The following PPM1L variants were observed in gnomAD, a reference collection of about 807,000 sequenced individuals.
PPM1L encodes protein phosphatase, Mg2+/Mn2+ dependent 1L.
PPM1L carries 13 observed loss-of-function variants against 31.4 expected under a neutral mutation model. The observed-to-expected ratio is 0.41, with a 90% CI of 0.27 to 0.66. The LOEUF is 0.66. Among genes scored for constraint, PPM1L ranks in the 30% least tolerant of loss-of-function variants. PPM1L has a pLI of 0.29. For synonymous variants in PPM1L, 184 were observed against 175.4 expected (o/e 1.05, Z -0.39); for missense variants, 326 against 453.7 (o/e 0.72, Z 2.56).
At chr3:160,862,793 TAGGGGGGA>T in intron 1 of PPM1L, among the ~76,000 whole-genome samples, 1 of 150,932 alleles carries the variant, frequency 6.6e-6, no homozygotes, top group East Asian at 1.9e-4. Flanking sequence ...TTTAGGAGAG[TAGGGGGGA>T]AAAAAGCTTT....
At chr3:161,065,321 G>A (rs556624806) in intron 2 of PPM1L, 82 bp from the exon 3 acceptor site, 39 of 1,404,826 alleles carry the variant, frequency 2.8e-5, no homozygotes, top group Middle Eastern at 2.0e-4. Context: ...TTTAATGACT[G>A]AAGAATCCAG....
intron 1 of PPM1L, among the ~76,000 whole-genome samples, chr3:160,937,416 C>G (rs925932985): frequency 2.0e-5 from 3 of 152,024 alleles, no homozygotes; most frequent in African/African-American, 4.8e-5. Flanking sequence ...GTCAGGAGAT[C>G]AAGACCATCC....
At chr3:160,909,037 A>G (rs1267720811) in intron 1 of PPM1L, among the ~76,000 whole-genome samples, 3 of 152,226 alleles carry the variant, frequency 2.0e-5, no homozygotes, top group Non-Finnish European at 4.4e-5. Flanking sequence ...ATGGTAGAAG[A>G]TTAGGTTGCC....
At chr3:160,792,095 C>T (rs776368564) in intron 1 of PPM1L, among the ~76,000 whole-genome samples, 1 of 152,084 alleles carries the variant, frequency 6.6e-6, no homozygotes, top group Non-Finnish European at 1.5e-5. Context: ...ATTCATAATA[C>T]TATCCTTTGA....
intron 1 of PPM1L, among the ~76,000 whole-genome samples, chr3:160,825,051 C>A (rs541738784): frequency 1.1e-4 from 16 of 152,064 alleles, no homozygotes; most frequent in Non-Finnish European, 1.9e-4. Context: ...AATGGTTAAA[C>A]TATGTGCCAA....
chr3:160,996,255 G>C lies in PPM1L; in HGVS notation c.574+34345G>C, dbSNP rs112309561. Reference sequence around the variant, plus strand: ...GATATTCCTTAAAGAACTAAAAGTAGAGCTACCATTCGATCCAGCAATCCC... The same window carrying C: ...GATATTCCTTAAAGAACTAAAAGTACAGCTACCATTCGATCCAGCAATCCC... On this transcript the variant is annotated intron_variant, in intron 2 of 3. Transcript: ENST00000498165. 1.0e-3 allele frequency among the ~76,000 whole-genome samples: 155 copies of C among 152,276 alleles called. 1 individual carries two copies. The highest frequency in any genetic ancestry group is 3.5e-3 in the African/African-American group (144 of 41,566).
At chr3:160,905,960 C>A (rs973215289) in intron 1 of PPM1L, among the ~76,000 whole-genome samples, 4 of 151,998 alleles carry the variant, frequency 2.6e-5, no homozygotes, top group Non-Finnish European at 5.9e-5. Context: ...CTTTATCCAT[C>A]AGTTTTAGCC....
At chr3:161,008,759 C>T (rs1025962734) in intron 2 of PPM1L, among the ~76,000 whole-genome samples, 1 of 152,074 alleles carries the variant, frequency 6.6e-6, no homozygotes, top group Non-Finnish European at 1.5e-5. Flanking sequence ...TATACTGAGA[C>T]AGGGAATGCT....
At chr3:160,763,567 C>T (rs1456972612) in intron 1 of PPM1L, among the ~76,000 whole-genome samples, 1 of 152,150 alleles carries the variant, frequency 6.6e-6, no homozygotes, top group African/African-American at 2.4e-5. Context: ...GTTTGGGATA[C>T]ACACAGGTGA....
Position 160,810,726 on chromosome 3 carries a change from A to C in PPM1L, c.399+54019A>C, listed in dbSNP as rs549335107. Among the ~76,000 whole-genome samples the C allele has an allele frequency of 4.6e-5, 7 of 152,312 alleles. No homozygotes were observed. In the East Asian group the frequency reaches 1.2e-3, roughly 25 times the overall value. On this transcript the variant is annotated intron_variant, in intron 1 of 3. Transcript: ENST00000498165. ...GGATGAGAGTTCAGTATCTAAAAAG[A>C]AAATTAAGGAGGTCATAAATTGTAT...
chr3:161,064,877 G>A (rs932711658), intron 2 of PPM1L, among the ~76,000 whole-genome samples: 1 of 152,050 alleles, frequency 6.6e-6, no homozygotes, highest in African/African-American at 2.4e-5. Flanking sequence ...CTGGCCACCA[G>A]TCTTTGCTGT....
At chr3:160,920,625 A>T (rs1488189381) in intron 1 of PPM1L, among the ~76,000 whole-genome samples, 140 of 115,498 alleles carry the variant, frequency 1.2e-3, no homozygotes, top group African/African-American at 4.6e-3. Flanking sequence ...TCACACACAC[A>T]CACACACACA....
At chr3:160,994,298 G>A (rs1346763319) in intron 2 of PPM1L, among the ~76,000 whole-genome samples, 1 of 152,134 alleles carries the variant, frequency 6.6e-6, no homozygotes, top group Non-Finnish European at 1.5e-5. Context: ...GGAGTTCAGT[G>A]GCAGCAGCCT....
intron 2 of PPM1L, among the ~76,000 whole-genome samples, chr3:161,023,706 G>GT (rs1342461433): frequency 1.3e-5 from 2 of 152,042 alleles, no homozygotes; most frequent in African/African-American, 4.8e-5. Context: ...TGGATTTAAA[G>GT]TTTTTTTCTT....
At position 160,874,519 on chromosome 3, in the gene PPM1L, G is replaced by T. The variant is rs368735690; in HGVS notation, c.400-87217G>T. 2.0e-5 allele frequency among the ~76,000 whole-genome samples: 3 copies of T among 152,114 alleles called. No individual in the cohort carries two copies. In the East Asian group the frequency reaches 5.8e-4, roughly 29 times the overall value. ...CCAAGAACTCTGACTGATACACTGC[G>T]TGAAAACTAAGCTAACTGTGGCAGG... On this transcript the variant is annotated intron_variant, in intron 1 of 3. Coordinates refer to ENST00000498165, the MANE Select transcript of PPM1L (RefSeq NM_139245.4).
intron 1 of PPM1L, among the ~76,000 whole-genome samples, chr3:160,944,767 C>CAT (rs1715276336): frequency 2.1e-5 from 1 of 48,770 alleles, no homozygotes; most frequent in African/African-American, 4.9e-5. Flanking sequence ...TTATATATAA[C>CAT]ATGTTATATA....
chr3:160,786,192 T>TATATATATATATATATATATACAC (rs1560106743), intron 1 of PPM1L, among the ~76,000 whole-genome samples: 1 of 83,194 alleles, frequency 1.2e-5, no homozygotes, highest in African/African-American at 6.1e-5. Flanking sequence ...TGTGTGTATA[T>TATATATATATATATATATATACAC]ATATATATAT....
intron 3 of PPM1L, among the ~76,000 whole-genome samples, chr3:161,067,209 C>T (rs948594482): frequency 2.0e-5 from 3 of 152,184 alleles, no homozygotes; most frequent in African/African-American, 7.2e-5. Context: ...CCATTTTATG[C>T]TTCCTCTTCT....
rs139780203 is a variant in PPM1L at position 160,796,205 on chromosome 3, A to G, written c.399+39498A>G. On this transcript the variant is annotated intron_variant, in intron 1 of 3. Coordinates refer to ENST00000498165, the MANE Select transcript of PPM1L (RefSeq NM_139245.4). ...GTAAAATTGGAGTAAAGCAAAGGAA[A>G]GCATGCGAGCATGTCTTGCCTCCAT... Among the ~76,000 whole-genome samples, 1,054 of 152,358 alleles carry G rather than the reference A, an allele frequency of 6.9e-3. 9 individuals carry two copies. The highest frequency in any genetic ancestry group is 0.012 in the Non-Finnish European group (791 of 68,030).
Sources: allele counts gnomAD v4.1 joint callset (sites outside exome capture counted in the v4.1 genomes callset), GRCh38; gene constraint gnomAD v4.1.1; transcripts MANE v1.5; gene names NCBI Gene and HGNC (gene_info 2026-07-23, HGNC 2026-07-21).